Variants in BBIP1 observed in about 807,000 individuals in gnomAD.
BBIP1 encodes the protein BBSome-interacting protein 1.
BBIP1 carries 6 observed loss-of-function variants against 8.9 expected under a neutral mutation model. The observed-to-expected ratio is 0.67, with a 90% CI of 0.37 to 1.33. BBIP1 has a LOEUF of 1.33. Among genes scored for constraint, BBIP1 ranks in the 40% most tolerant of loss-of-function variants. The pLI is 0.02. For missense variants in BBIP1, 111 were observed against 109.2 expected (o/e 1.02, Z -0.07); for synonymous variants, 32 against 33.4 (o/e 0.96, Z 0.14).
In BBIP1 at chr10:110,915,630, C is replaced by A. The variant is rs557622247; in HGVS notation, c.37+2491G>T. ...CTGACTGCACTCCATGTGCTATAAA[C>A]CGAGGTAAAGCACTTTATATATATT... is the stretch of plus-strand genomic sequence containing the variant. On this transcript the variant is annotated intron_variant, in intron 2 of 3. Transcript: ENST00000448814. Among the ~76,000 whole-genome samples, 3 of 152,286 alleles carry A rather than the reference C, an allele frequency of 2.0e-5. No homozygotes were observed. The South Asian group carries it at 6.2e-4, about 32-fold the overall frequency.
Position 110,918,135 on chromosome 10 carries a change from C to G in BBIP1, c.23G>C (p.Arg8Thr). The stretch of plus-strand genomic sequence containing the variant: ...TTCAATTTTACCTGAAAGTTCTGGT[C>G]TTTTTGCTGCAGCTTTAAGCATCCA... Reference protein sequence around the residue: MLKAAAKRPELSGKNTIS... With the variant: MLKAAAKTPELSGKNTIS... The change falls in exon 2 of 4, where the codon AGA becomes ACA. Residue 8 changes from arginine (R) to threonine (T), a missense_variant. By Grantham distance (71) the Arg-to-Thr change is moderately conservative (BLOSUM62 -1). Transcript: ENST00000448814. The G allele has an allele frequency of 1.3e-6, 2 of 1,535,972 alleles. No individual in the cohort carries two copies. Among genetic ancestry groups the G allele is most frequent in the Non-Finnish European group, 1.7e-6 (2 of 1,146,804 alleles).
chr10:110,903,878 CAT>C (rs1274250251), intron 2 of BBIP1: 3 of 152,164 alleles, frequency 2.0e-5, no homozygotes, highest in Non-Finnish European at 2.9e-5. Flanking sequence ...TGTATCTTAA[CAT>C]AGACAAAGTA....
intron 2 of BBIP1, among the ~76,000 whole-genome samples, chr10:110,912,692 G>A (rs952272984): frequency 2.6e-5 from 4 of 151,992 alleles, no homozygotes; most frequent in East Asian, 1.9e-4. Context: ...GATGGGATTC[G>A]GATGTTTTTA....
intron 3 of BBIP1, chr10:110,901,133 A>T: frequency 2.2e-6 from 1 of 455,696 alleles, no homozygotes; most frequent in Non-Finnish European, 4.4e-6. Context: ...CTACAAAAAT[A>T]AGAACAAATT....
chr10:110,913,170 T>C (rs151064360), intron 2 of BBIP1, among the ~76,000 whole-genome samples: 107 of 152,356 alleles, frequency 7.0e-4, no homozygotes, highest in African/African-American at 2.4e-3. Context: ...TGCCGCTAAC[T>C]AGCTGTGTGA....
intron 2 of BBIP1, chr10:110,904,815 G>A (rs963137971): frequency 6.6e-6 from 1 of 152,122 alleles, no homozygotes; most frequent in Admixed American, 6.5e-5. Context: ...TCCATAGAAC[G>A]GAATACTATG....
intron 2 of BBIP1, among the ~76,000 whole-genome samples, chr10:110,905,787 T>G (rs957533942): frequency 7.9e-5 from 12 of 152,178 alleles, no homozygotes; most frequent in Admixed American, 5.9e-4. Context: ...AAATTTAAAT[T>G]ATAAAGGATA....
chr10:110,908,293 T>G (rs1342285222), intron 2 of BBIP1: 2 of 152,252 alleles, frequency 1.3e-5, no homozygotes, highest in African/African-American at 4.8e-5. Flanking sequence ...CTTGTAGACT[T>G]GGCAAAAATG....
At chr10:110,908,794 A>T in intron 2 of BBIP1, among the ~76,000 whole-genome samples, 1 of 1,664 alleles carries the variant, frequency 6.0e-4, no homozygotes, top group East Asian at 2.0e-3. Context: ...GGAATGCTTA[A>T]AAAAAAAAAA....
chr10:110,918,838 G>A (rs1406211586), intron 1 of BBIP1: 2 of 152,480 alleles, frequency 1.3e-5, no homozygotes, highest in African/African-American at 4.8e-5. Context: ...GGGGTCCACG[G>A]ACTCACCTCA....
At chr10:110,907,002 T>A (rs1012211076) in intron 2 of BBIP1, 3 of 152,272 alleles carry the variant, frequency 2.0e-5, no homozygotes, top group Non-Finnish European at 2.9e-5. Context: ...ACTACTCAAT[T>A]AGGTATTCCT....
At chr10:110,907,938 T>C in intron 2 of BBIP1, 1 of 569,326 alleles carries the variant, frequency 1.8e-6, no homozygotes, top group Non-Finnish European at 3.1e-6. Flanking sequence ...GAGTTGAGTA[T>C]ATATTGTTTC....
chr10:110,900,312 T>G lies in BBIP1; in HGVS notation c.*48A>C, dbSNP rs1172559903. 1 of 1,473,974 alleles carries G rather than the reference T, an allele frequency of 6.8e-7. No individual in the cohort carries two copies. The highest frequency in any genetic ancestry group is 2.5e-5 in the East Asian group (1 of 39,764). 91.3% of individuals were successfully genotyped at this position (1,473,974 alleles called of 1,614,324 possible). ...ACAGAAGCATATTTTCTAGTTATTG[T>G]TAAATAGTAGATAAGGCAGGTTGTT... On this transcript the variant is annotated 3_prime_UTR_variant, in exon 4 of 4. Transcript: ENST00000448814.
chr10:110,901,908 T>C (rs1846014042), intron 2 of BBIP1: 1 of 334,694 alleles, frequency 3.0e-6, no homozygotes, highest in South Asian at 3.3e-5. Flanking sequence ...AGATGATTAA[T>C]ATCATCTGAG....
At chr10:110,900,637 A>G in intron 3 of BBIP1, 111 bp from the exon 4 acceptor site, 2 of 875,410 alleles carry the variant, frequency 2.3e-6, no homozygotes, top group Non-Finnish European at 3.3e-6. Context: ...TCACTGAAAA[A>G]CTCTTGTACC....
chr10:110,907,190 G>C (rs1448565517), intron 2 of BBIP1: 1 of 152,366 alleles, frequency 6.6e-6, no homozygotes, highest in Non-Finnish European at 1.5e-5. Flanking sequence ...TACCAGGCTA[G>C]AGAGATGCCT....
chr10:110,909,773 A>G (rs1846231549), intron 2 of BBIP1, among the ~76,000 whole-genome samples: 1 of 152,254 alleles, frequency 6.6e-6, no homozygotes, highest in Non-Finnish European at 1.5e-5. Context: ...AGTGATAAAC[A>G]TGAGAATGAT....
chr10:110,912,551 A>G (rs765037103), intron 2 of BBIP1, among the ~76,000 whole-genome samples: 2 of 149,068 alleles, frequency 1.3e-5, no homozygotes, highest in Non-Finnish European at 1.5e-5. Context: ...ACAGACAGAG[A>G]AGGAGACTAA....
chr10:110,907,528 AAAGAAAAGAAAAG>A, intron 2 of BBIP1: 1 of 496,000 alleles, frequency 2.0e-6, no homozygotes, highest in African/African-American at 2.0e-5. Flanking sequence ...AAAAAAAAAA[AAAGAAAAGAAAAG>A]AAAGAAAAAT....
Sources: allele counts gnomAD v4.1 joint callset (sites outside exome capture counted in the v4.1 genomes callset), GRCh38; gene constraint gnomAD v4.1.1; transcripts MANE v1.5; gene names NCBI Gene and HGNC (gene_info 2026-07-23, HGNC 2026-07-21).